RSRC1: variants seen among roughly 807,000 people sequenced by gnomAD.
RSRC1 encodes arginine and serine rich coiled-coil 1.
RSRC1 carries 39 observed loss-of-function variants against 49.1 expected under a neutral mutation model. That is an observed-to-expected ratio of 0.79 (90% CI 0.61 to 1.04). The LOEUF (loss-of-function observed/expected upper bound fraction) is 1.04. Ranked by LOEUF, RSRC1 falls within the 50% of genes least tolerant of loss-of-function variation. The pLI, the probability that RSRC1 is intolerant of heterozygous loss-of-function variation, is 0.00. For missense variants in RSRC1, 388 were observed against 402.4 expected (o/e 0.96, Z 0.31); for synonymous variants, 143 against 130.8 (o/e 1.09, Z -0.63).
intron 7 of RSRC1, among the ~76,000 whole-genome samples, chr3:158,516,984 A>G (rs969734716): frequency 2.0e-5 from 3 of 152,102 alleles, no homozygotes; most frequent in Admixed American, 6.5e-5. Flanking sequence ...CCACTGACCT[A>G]TGCCCACTGT....
intron 4 of RSRC1, 23 bp downstream of exon 4, chr3:158,203,268 T>C: frequency 6.4e-7 from 1 of 1,554,194 alleles, no homozygotes; most frequent in Non-Finnish European, 8.7e-7. Context: ...AAATCTTATC[T>C]GGTAAGGACT....
At chr3:158,437,083 G>A (rs964624725) in intron 6 of RSRC1, among the ~76,000 whole-genome samples, 4 of 151,080 alleles carry the variant, frequency 2.6e-5, no homozygotes, top group Admixed American at 6.6e-5. Flanking sequence ...TTGAAGAAAC[G>A]TCTTCCAATT....
intron 3 of RSRC1, among the ~76,000 whole-genome samples, chr3:158,195,657 G>C (rs1404565777): frequency 2.0e-5 from 3 of 152,066 alleles, no homozygotes; most frequent in African/African-American, 7.2e-5. Context: ...TATAATCCAT[G>C]TTGAATTAAT....
intron 7 of RSRC1, among the ~76,000 whole-genome samples, chr3:158,470,050 G>A (rs1738057364): frequency 6.6e-6 from 1 of 151,824 alleles, no homozygotes; most frequent in African/African-American, 2.4e-5. Flanking sequence ...TAAGATACAT[G>A]GCTGTAACAT....
At chr3:158,503,284 G>T (rs1028788665) in intron 7 of RSRC1, among the ~76,000 whole-genome samples, 4 of 152,086 alleles carry the variant, frequency 2.6e-5, no homozygotes, top group Non-Finnish European at 5.9e-5. Context: ...TGTTCCAGTG[G>T]AGGTATTGGG....
At chr3:158,277,810 GC>G (rs1338132825) in intron 4 of RSRC1, among the ~76,000 whole-genome samples, 3 of 152,104 alleles carry the variant, frequency 2.0e-5, no homozygotes, top group Non-Finnish European at 4.4e-5. Context: ...TTTAGAGACA[GC>G]ATCTCACTCT....
intron 6 of RSRC1, among the ~76,000 whole-genome samples, chr3:158,413,357 T>A (rs541659962): frequency 7.7e-4 from 118 of 152,288 alleles, no homozygotes; most frequent in Non-Finnish European, 1.4e-3. Context: ...ATTGAAGACT[T>A]AAATGTAAAA....
At chr3:158,431,749 C>G (rs563258770) in intron 6 of RSRC1, among the ~76,000 whole-genome samples, 3 of 151,866 alleles carry the variant, frequency 2.0e-5, no homozygotes, top group Non-Finnish European at 2.9e-5. Flanking sequence ...ATAGGATTTT[C>G]TAAATTGTTT....
intron 6 of RSRC1, among the ~76,000 whole-genome samples, chr3:158,440,595 C>T (rs1297965497): frequency 6.6e-6 from 1 of 152,084 alleles, no homozygotes; most frequent in East Asian, 1.9e-4. Flanking sequence ...CCCACACATG[C>T]ACGTGTGCAC....
chr3:158,275,681 T>C (rs1725768330), intron 4 of RSRC1: 1 of 387,088 alleles, frequency 2.6e-6, no homozygotes, highest in Admixed American at 4.7e-5. Flanking sequence ...TTATTGCACT[T>C]TAACTTTCTT....
rs556840809 is a variant in RSRC1, at chr3:158,400,066, T to G, written c.583+45158T>G. On this transcript the variant is annotated intron_variant, in intron 6 of 9. Coordinates refer to ENST00000611884, the MANE Select transcript of RSRC1 (RefSeq NM_001271838.2). Reference sequence around the variant, plus strand: ...TTTGCCAGAAAATAGTAGAATTTTCTTCTTGTAGAGGTATACTGTAGAGTT... The same window carrying G: ...TTTGCCAGAAAATAGTAGAATTTTCGTCTTGTAGAGGTATACTGTAGAGTT... 2.0e-5 allele frequency among the ~76,000 whole-genome samples: 3 copies of G among 152,288 alleles called. No individual in the cohort carries two copies. In the South Asian group the frequency reaches 6.2e-4, roughly 32 times the overall value.
intron 3 of RSRC1, among the ~76,000 whole-genome samples, chr3:158,175,560 G>A (rs1719156643): frequency 6.6e-6 from 1 of 151,760 alleles, no homozygotes; most frequent in South Asian, 2.1e-4. Context: ...GTTCTCTAGG[G>A]CTATCATTGT....
Position 158,298,086 on chromosome 3 carries a change from AT to A in RSRC1, c.531+15del. 6.3e-7 allele frequency: 1 copy of A among 1,591,036 alleles called. No individual in the cohort carries two copies. Among genetic ancestry groups the A allele is most frequent in the Non-Finnish European group, 8.6e-7 (1 of 1,160,100 alleles). On this transcript the variant is annotated intron_variant, in intron 5 of 9. Coordinates refer to ENST00000611884, the MANE Select transcript of RSRC1 (RefSeq NM_001271838.2). Reference sequence around the variant, plus strand: ...GGATTAGAACATCTGGTAAGTTCTCATTTTCTCTTGAACATTTGCATCATCT... The same window carrying A: ...GGATTAGAACATCTGGTAAGTTCTCATTTCTCTTGAACATTTGCATCATCT...
intron 5 of RSRC1, among the ~76,000 whole-genome samples, chr3:158,349,274 G>A (rs1040742033): frequency 1.1e-4 from 16 of 152,092 alleles, no homozygotes; most frequent in African/African-American, 3.9e-4. Flanking sequence ...GTTCTGAGTG[G>A]TGTAAGATGG....
intron 7 of RSRC1, among the ~76,000 whole-genome samples, chr3:158,502,724 T>G (rs988658333): frequency 3.9e-5 from 6 of 152,178 alleles, no homozygotes; most frequent in Non-Finnish European, 8.8e-5. Context: ...TTTTATTGTT[T>G]TCTCTTTAAG....
At chr3:158,351,188 C>T (rs1431105868) in intron 5 of RSRC1, among the ~76,000 whole-genome samples, 1 of 152,164 alleles carries the variant, frequency 6.6e-6, no homozygotes, top group East Asian at 1.9e-4. Flanking sequence ...TGTGGTGATG[C>T]TTTCCTTCTT....
chr3:158,409,482 A>G (rs1409365041), intron 6 of RSRC1, among the ~76,000 whole-genome samples: 1 of 151,904 alleles, frequency 6.6e-6, no homozygotes, highest in Non-Finnish European at 1.5e-5. Flanking sequence ...TATTTGCTTT[A>G]TTTTTCTTTA....
chr3:158,138,020 G>A (rs1362333324), intron 3 of RSRC1, among the ~76,000 whole-genome samples: 3 of 152,022 alleles, frequency 2.0e-5, no homozygotes, highest in African/African-American at 7.2e-5. Context: ...TGCCATTTTA[G>A]TGTTTCACAT....
At chr3:158,528,478 T>C (rs1712181240) in intron 7 of RSRC1, among the ~76,000 whole-genome samples, 1 of 151,886 alleles carries the variant, frequency 6.6e-6, no homozygotes, top group Admixed American at 6.6e-5. Flanking sequence ...ATCTCTGATA[T>C]TAGCCACAGT....
Sources: allele counts gnomAD v4.1 joint callset (sites outside exome capture counted in the v4.1 genomes callset), GRCh38; gene constraint gnomAD v4.1.1; transcripts MANE v1.5; gene names NCBI Gene and HGNC (gene_info 2026-07-23, HGNC 2026-07-21).